The following LYPLAL1 variants were observed in gnomAD, a reference collection of about 807,000 sequenced individuals.
The protein encoded by LYPLAL1 is lysophospholipase like 1.
A neutral mutation model predicts 19.7 loss-of-function variants in LYPLAL1; 23 were observed. The ratio of observed to expected loss-of-function variants is 1.17; its 90% CI spans 0.84 to 1.65. The LOEUF (loss-of-function observed/expected upper bound fraction) is 1.65. Ranked by LOEUF, LYPLAL1 falls within the 40% of genes most tolerant of loss-of-function variation. The pLI, the probability that LYPLAL1 is intolerant of heterozygous loss-of-function variation, is 0.00. For missense variants in LYPLAL1, 355 were observed against 279.4 expected, an observed-to-expected ratio of 1.27 and a Z score of -1.93; for synonymous variants, 119 against 96.3, an observed-to-expected ratio of 1.24 and a Z score of -1.38.
At chr1:219,219,634 C>T in the LYPLAL1 span, among the ~76,000 whole-genome samples, 1 of 152,162 alleles carries the variant, frequency 6.6e-6, no homozygotes, top group Non-Finnish European at 1.5e-5. Context: ...TCTGTCCATA[C>T]CACAGAATGA....
chr1:219,409,712 G>A, the LYPLAL1 span: 3 of 152,156 alleles, frequency 2.0e-5, no homozygotes, highest in African/African-American at 4.8e-5. Flanking sequence ...TCTCCAAGAC[G>A]TGAGGCTTCG....
chr1:219,404,503 C>T, the LYPLAL1 span, among the ~76,000 whole-genome samples: 3 of 151,954 alleles, frequency 2.0e-5, no homozygotes, highest in African/African-American at 7.3e-5. Context: ...CTTAGAGTGA[C>T]AGAATATAGA....
At chr1:219,262,536 G>C in the LYPLAL1 span, among the ~76,000 whole-genome samples, 1 of 152,184 alleles carries the variant, frequency 6.6e-6, no homozygotes, top group Non-Finnish European at 1.5e-5. Context: ...ATCCCTTGAT[G>C]TAGTGCTCTC....
chr1:219,294,446 C>T, the LYPLAL1 span, among the ~76,000 whole-genome samples: 1 of 151,940 alleles, frequency 6.6e-6, no homozygotes, highest in African/African-American at 2.4e-5. Flanking sequence ...GACAGAAGCT[C>T]CCAACTGTGG....
chr1:219,264,694 G>A, the LYPLAL1 span, among the ~76,000 whole-genome samples: 9 of 152,146 alleles, frequency 5.9e-5, no homozygotes, highest in African/African-American at 2.2e-4. Flanking sequence ...TTTTCAAAAG[G>A]TCAGTGTGTG....
At chr1:219,399,815 C>T in the LYPLAL1 span, among the ~76,000 whole-genome samples, 139 of 152,264 alleles carry the variant, frequency 9.1e-4, 1 homozygote, top group African/African-American at 3.2e-3. Flanking sequence ...GAGTTCAGGT[C>T]CGACAGTTCT....
At chr1:219,224,689 C>T in the LYPLAL1 span, among the ~76,000 whole-genome samples, 1 of 152,126 alleles carries the variant, frequency 6.6e-6, no homozygotes, top group African/African-American at 2.4e-5. Flanking sequence ...GAACTATTTC[C>T]TTTGTAGACA....
intron 2 of LYPLAL1, among the ~76,000 whole-genome samples, chr1:219,192,527 G>T (rs1657263760): frequency 6.6e-6 from 1 of 151,600 alleles, no homozygotes; most frequent in South Asian, 2.1e-4. Flanking sequence ...ATTATCTTCT[G>T]TGCAACTCTT....
At chr1:219,236,378 A>G in the LYPLAL1 span, among the ~76,000 whole-genome samples, 1 of 152,262 alleles carries the variant, frequency 6.6e-6, no homozygotes, top group Admixed American at 6.5e-5. Flanking sequence ...TCTCAAAGCA[A>G]GTAATGATAC....
At chr1:219,256,970 T>A in the LYPLAL1 span, among the ~76,000 whole-genome samples, 1 of 152,064 alleles carries the variant, frequency 6.6e-6, no homozygotes, top group Non-Finnish European at 1.5e-5. Flanking sequence ...GCTTGCCTTA[T>A]GACCTAGTAT....
chr1:219,367,473 A>G, the LYPLAL1 span, among the ~76,000 whole-genome samples: 1 of 152,176 alleles, frequency 6.6e-6, no homozygotes, highest in East Asian at 1.9e-4. Flanking sequence ...GATTTGGTTC[A>G]GCCTCAAAGA....
At chr1:219,327,986 T>C in the LYPLAL1 span, among the ~76,000 whole-genome samples, 1 of 152,084 alleles carries the variant, frequency 6.6e-6, no homozygotes, top group African/African-American at 2.4e-5. Context: ...CATAGGAAAA[T>C]TGATTTTTAA....
At chr1:219,228,546 C>T in the LYPLAL1 span, among the ~76,000 whole-genome samples, 14 of 151,850 alleles carry the variant, frequency 9.2e-5, no homozygotes, top group Admixed American at 6.6e-4. Flanking sequence ...TTGTTTACTA[C>T]GATTACGTGT....
chr1:219,398,345 G>A, the LYPLAL1 span, among the ~76,000 whole-genome samples: 5 of 152,078 alleles, frequency 3.3e-5, no homozygotes, highest in African/African-American at 1.2e-4. Flanking sequence ...AGTCTATTCT[G>A]CTACTAATAC....
the LYPLAL1 span, among the ~76,000 whole-genome samples, chr1:219,241,134 C>CTCTCTCTCTATATATATA: frequency 2.2e-3 from 96 of 44,326 alleles, 1 homozygote; most frequent in Non-Finnish European, 3.0e-3. Context: ...CTCTCTCTCT[C>CTCTCTCTCTATATATATA]TATATATATA....
the LYPLAL1 span, among the ~76,000 whole-genome samples, chr1:219,346,222 A>T: frequency 6.6e-6 from 1 of 152,182 alleles, no homozygotes; most frequent in Non-Finnish European, 1.5e-5. Context: ...TTGAAAGTTT[A>T]TACAGCAAGG....
At chr1:219,430,114 T>TA in the LYPLAL1 span, among the ~76,000 whole-genome samples, 2 of 152,008 alleles carry the variant, frequency 1.3e-5, no homozygotes, top group African/African-American at 4.8e-5. Flanking sequence ...GGCAACATGG[T>TA]AAAACCTCAT....
chr1:219,311,399 A>G, the LYPLAL1 span, among the ~76,000 whole-genome samples: 1 of 152,234 alleles, frequency 6.6e-6, no homozygotes, highest in South Asian at 2.1e-4. Flanking sequence ...CAGCAGTATG[A>G]ACATATTTGC....
At chr1:219,301,246 A>T in the LYPLAL1 span, among the ~76,000 whole-genome samples, 1 of 152,168 alleles carries the variant, frequency 6.6e-6, no homozygotes, top group African/African-American at 2.4e-5. Flanking sequence ...AAAGAGATAC[A>T]AAATAAATAA....
Sources: gnomAD v4.1 joint callset for allele counts (sites outside exome capture counted in the v4.1 genomes callset) on GRCh38, gnomAD v4.1.1 for gene constraint, MANE v1.5 for transcripts, NCBI Gene and HGNC (gene_info 2026-07-23, HGNC 2026-07-21) for gene names.